The following NPB variants were observed in gnomAD, a reference collection of about 807,000 sequenced individuals.
NPB encodes the protein neuropeptide B, also known as prepro-NPB.
A neutral mutation model predicts 6.7 loss-of-function variants in NPB; 8 were observed. That is an observed-to-expected ratio of 1.20 (90% confidence interval 0.71 to 2.17). The LOEUF is 2.17. NPB is among the 30% of genes most tolerant of loss of function. The probability of loss-of-function intolerance (pLI) is 0.00; values close to 1 mark genes in which losing one functional copy is unlikely to be tolerated. For missense variants in NPB, 199 were observed against 190.2 expected, an observed-to-expected ratio of 1.05 and a Z score of -0.27; for synonymous variants, 118 against 103.4, an observed-to-expected ratio of 1.14 and a Z score of -0.86.
At position 81,902,282 on chromosome 17, in the gene NPB, C is replaced by T. The variant is rs966014494; in HGVS notation, c.5C>T (p.Ala2Val). 2 of 1,308,140 alleles carry T rather than the reference C, an allele frequency of 1.5e-6. No individual in the cohort carries two copies. Among genetic ancestry groups the T allele is most frequent in the Admixed American group, 4.1e-5 (1 of 24,400 alleles). The allele number at this position is 1,308,140 out of a possible 1,614,324, so 81.0% of individuals were successfully genotyped here. A position where few individuals can be genotyped will look rare whatever the true frequency, so the allele number is the denominator to read the frequency against. ...CACCAGTCAGCCGGCGTCCCCATGG[C>T]CCGGTCCGCGACACTGGCGGCCGCC... M[A>V]RSATLAAAAL... The change falls in exon 1 of 2, where the codon GCC (alanine) becomes GTC (valine). Residue 2 changes from alanine (A) to valine (V), a missense_variant. Ala to Val is a moderately conservative substitution (Grantham distance 64). Transcript: ENST00000333383.
At position 81,902,852 on chromosome 17, in the gene NPB, TC is replaced by T; in HGVS notation, c.*106del. ...GGATGGCGCCCCAGGTCTCCCCTAC[TC>T]CGCTCACCCCGCAGTTAATGGCAAA... is the stretch of plus-strand genomic sequence containing the variant. On this transcript the variant is annotated 3_prime_UTR_variant, in exon 2 of 2. Coordinates refer to ENST00000333383, the MANE Select transcript of NPB (RefSeq NM_148896.5). 1.0e-6 allele frequency: 1 copy of T among 1,004,214 alleles called. No homozygotes were observed. The highest frequency in any genetic ancestry group is 2.9e-5 in the East Asian group (1 of 35,030). 62.2% of individuals were successfully genotyped at this position (1,004,214 alleles called of 1,614,324 possible).
In NPB at chr17:81,902,820, C is replaced by T. The variant is rs952656269; in HGVS notation, c.*72C>T. On this transcript the variant is annotated 3_prime_UTR_variant, in exon 2 of 2. Transcript: ENST00000333383. Reference sequence around the variant, plus strand: ...CCCACTCGGTGACCCCAGGCCCCTCCGGCGCGGGATGGCGCCCCAGGTCTC... The same window carrying T: ...CCCACTCGGTGACCCCAGGCCCCTCTGGCGCGGGATGGCGCCCCAGGTCTC... The T allele has an allele frequency of 3.7e-5, 53 of 1,421,740 alleles. No individual in the cohort carries two copies. The African/African-American group carries it at 4.1e-4, about 11-fold the overall frequency. 88.1% of individuals were successfully genotyped at this position (1,421,740 alleles called of 1,614,324 possible). A position where few individuals can be genotyped will look rare whatever the true frequency, so the allele number is the denominator to read the frequency against.
At position 81,902,530 on chromosome 17, in the gene NPB, A is replaced by G. The variant is rs889903945; in HGVS notation, c.249+4A>G. 2.3e-5 allele frequency: 33 copies of G among 1,459,650 alleles called. No homozygotes were observed. The highest frequency in any genetic ancestry group is 2.9e-5 in the Non-Finnish European group (32 of 1,113,028). The allele number at this position is 1,459,650 out of a possible 1,614,324, so 90.4% of individuals were successfully genotyped here. A position where few individuals can be genotyped will look rare whatever the true frequency, so the allele number is the denominator to read the frequency against. On this transcript the variant is annotated splice_donor_region_variant and intron_variant, in intron 1 of 1. Transcript: ENST00000333383. ...GCACCCCAGGCTGCGGAGCCTCGTG[A>G]GTCCGGCGTGCCGGGGACTGATGGG...
Position 81,902,777 on chromosome 17 carries a change from G to GC in NPB, c.*35dup, listed in dbSNP as rs773463550. The GC allele has an allele frequency of 7.0e-6, 11 of 1,575,308 alleles. No homozygotes were observed. The highest frequency in any genetic ancestry group is 6.8e-5 in the African/African-American group (5 of 73,042). Reference sequence around the variant, plus strand: ...CGGACCTCTCCTGGCACCGCTGGGGGCCCCCCGCCCCCACCGTCCCACTCG... The same window carrying GC: ...CGGACCTCTCCTGGCACCGCTGGGGGCCCCCCCGCCCCCACCGTCCCACTCG... On this transcript the variant is annotated 3_prime_UTR_variant, in exon 2 of 2. Transcript: ENST00000333383.
In NPB at chr17:81,902,616, C is replaced by T. The variant is rs776128847; in HGVS notation, c.250-4C>T. On this transcript the variant is annotated splice_polypyrimidine_tract_variant and splice_region_variant and intron_variant, in intron 1 of 1. Transcript: ENST00000333383. ...CCCTCAGCCTTTGCTTGCCTGCCCC[C>T]CAGGCTGTGTGCGTCCAGGACGTCG... is the stretch of plus-strand genomic sequence containing the variant. 5 of 1,581,368 alleles carry T rather than the reference C, an allele frequency of 3.2e-6. No individual in the cohort carries two copies. The highest frequency in any genetic ancestry group is 1.8e-5 in the Admixed American group (1 of 56,376).
Position 81,902,693 on chromosome 17 carries a change from A to G in NPB, c.323A>G (p.Gln108Arg). 1 of 1,608,842 alleles carries G rather than the reference A, an allele frequency of 6.2e-7. No homozygotes were observed. The highest frequency in any genetic ancestry group is 1.3e-5 in the African/African-American group (1 of 74,644). ...ERLPDGRGTYQCKANVFLSLR... is the reference protein window; with the variant it reads ...ERLPDGRGTYRCKANVFLSLR... ...CTCCCCGACGGCCGCGGGACCTACC[A>G]GTGCAAGGCGAACGTCTTCCTGTCC... The change falls in exon 2 of 2, where the codon CAG becomes CGG. Residue 108 changes from glutamine to arginine, a missense_variant. Gln to Arg is a conservative substitution (Grantham distance 43). Transcript: ENST00000333383.
At chr17:81,902,596 A>C (rs1189782361) in intron 1 of NPB, 24 bp from the exon 2 acceptor site, 1 of 1,544,520 alleles carries the variant, frequency 6.5e-7, no homozygotes, top group African/African-American at 1.4e-5. Context: ...GCGGCCCCTC[A>C]GCCTTTGCTT....
rs922678010 is a variant in NPB at position 81,902,723 on chromosome 17, G to C, written c.353G>C (p.Arg118Pro). ...QCKANVFLSL[R>P]AADCLAA is the part of the protein sequence containing the mutation. ...AAGGCGAACGTCTTCCTGTCCCTGC[G>C]CGCAGCCGACTGCCTCGCCGCCTGA... The change falls in exon 2 of 2, where the codon CGC becomes CCC. Residue 118 changes from arginine (R) to proline (P), a missense_variant. By Grantham distance (103) the Arg-to-Pro change is moderately radical. Coordinates refer to ENST00000333383, the MANE Select transcript of NPB (RefSeq NM_148896.5). The C allele has an allele frequency of 8.1e-6, 13 of 1,608,040 alleles. No homozygotes were observed. The highest frequency in any genetic ancestry group is 1.0e-5 in the Non-Finnish European group (12 of 1,178,400).
Position 81,902,308 on chromosome 17 carries a change from G to A in NPB, c.31G>A (p.Ala11Thr), listed in dbSNP as rs756603923. The A allele has an allele frequency of 2.7e-3, 3,562 of 1,326,850 alleles. 18 individuals are homozygous for A. The highest frequency in any genetic ancestry group is 2.5e-3 in the Non-Finnish European group (2,625 of 1,045,264). 82.2% of individuals were successfully genotyped at this position (1,326,850 alleles called of 1,614,324 possible). A position where few individuals can be genotyped will look rare whatever the true frequency, so the allele number is the denominator to read the frequency against. MARSATLAAA[A>T]LALCLLLAPP... ...CCGGTCCGCGACACTGGCGGCCGCC[G>A]CCCTGGCGCTGTGCCTGCTGCTGGC... The change falls in exon 1 of 2, where the codon GCC (alanine) becomes ACC (threonine). Residue 11 changes from alanine to threonine, a missense_variant. Transcript: ENST00000333383.
rs2040017121 is a variant in NPB, at chr17:81,902,855, G to A, written c.*107G>A. 5.2e-6 allele frequency: 5 copies of A among 967,096 alleles called. No homozygotes were observed. In the South Asian group the frequency reaches 7.2e-5, roughly 14 times the overall value. The allele number at this position is 967,096 out of a possible 1,614,324, so 59.9% of individuals were successfully genotyped here. A position where few individuals can be genotyped will look rare whatever the true frequency, so the allele number is the denominator to read the frequency against. ...TGGCGCCCCAGGTCTCCCCTACTCC[G>A]CTCACCCCGCAGTTAATGGCAAACG... On this transcript the variant is annotated 3_prime_UTR_variant, in exon 2 of 2. Coordinates refer to ENST00000333383, the MANE Select transcript of NPB (RefSeq NM_148896.5).
Position 81,902,474 on chromosome 17 carries a change from G to C in NPB, c.197G>C (p.Gly66Ala), listed in dbSNP as rs1032096921. 2.9e-6 allele frequency: 4 copies of C among 1,391,942 alleles called. No individual in the cohort carries two copies. The highest frequency in any genetic ancestry group is 1.5e-5 in the African/African-American group (1 of 65,456). 86.2% of individuals were successfully genotyped at this position (1,391,942 alleles called of 1,614,324 possible). Residue 66 changes from glycine to alanine, a missense_variant, in exon 1 of 2, where the codon GGC (glycine) becomes GCC (alanine). Gly to Ala is a moderately conservative substitution (Grantham distance 60). Coordinates refer to ENST00000333383, the MANE Select transcript of NPB (RefSeq NM_148896.5). ...CCCTACAGAGGGGCGGAACCCCCGG[G>C]CGGGGCCGGCGCCTCCCCGGAGCTG... ...SQPYRGAEPP[G>A]GAGASPELQL... is the part of the protein sequence containing the mutation.
Position 81,902,281 on chromosome 17 carries a change from G to T in NPB, c.4G>T (p.Ala2Ser). 1.5e-6 allele frequency: 2 copies of T among 1,307,408 alleles called. No individual in the cohort carries two copies. Among genetic ancestry groups the T allele is most frequent in the South Asian group, 2.3e-5 (1 of 43,102 alleles). 81.0% of individuals were successfully genotyped at this position (1,307,408 alleles called of 1,614,324 possible). A position where few individuals can be genotyped will look rare whatever the true frequency, so the allele number is the denominator to read the frequency against. The change falls in exon 1 of 2, where the codon GCC becomes TCC. Residue 2 changes from alanine (A) to serine (S), a missense_variant. Coordinates refer to ENST00000333383, the MANE Select transcript of NPB (RefSeq NM_148896.5). M[A>S]RSATLAAAAL... is the part of the protein sequence containing the mutation. ...CCACCAGTCAGCCGGCGTCCCCATGGCCCGGTCCGCGACACTGGCGGCCGC... is the reference window on the plus strand; with the variant it reads ...CCACCAGTCAGCCGGCGTCCCCATGTCCCGGTCCGCGACACTGGCGGCCGC...
chr17:81,902,339 CT>C lies in NPB; in HGVS notation c.63del (p.Gly22AlafsTer124). On this transcript the variant is annotated frameshift_variant, in exon 1 of 2. Transcript: ENST00000333383. LOFTEE classifies it high-confidence loss of function. Reference protein sequence around the residue: ...ALALCLLLAPPGLAWYKPAAG... With the variant: ...ALALCLLLAPXGLAWYKPAAG... Reference sequence around the variant, plus strand: ...GCGCTGTGCCTGCTGCTGGCGCCGCCTGGCCTCGCGTGGTACAAGCCAGCGG... The same window carrying C: ...GCGCTGTGCCTGCTGCTGGCGCCGCCGGCCTCGCGTGGTACAAGCCAGCGG... The C allele has an allele frequency of 7.5e-7, 1 of 1,341,750 alleles. No homozygotes were observed. Among genetic ancestry groups the C allele is most frequent in the African/African-American group, 1.5e-5 (1 of 65,290 alleles). 83.1% of individuals were successfully genotyped at this position (1,341,750 alleles called of 1,614,324 possible). A position where few individuals can be genotyped will look rare whatever the true frequency, so the allele number is the denominator to read the frequency against.
In NPB at chr17:81,902,435, C is replaced by G. The variant is rs1010888812; in HGVS notation, c.158C>G (p.Ala53Gly). The G allele has an allele frequency of 4.4e-6, 6 of 1,353,218 alleles. No homozygotes were observed. Among genetic ancestry groups the G allele is most frequent in the African/African-American group, 3.1e-5 (2 of 64,932 alleles). The allele number at this position is 1,353,218 out of a possible 1,614,324, so 83.8% of individuals were successfully genotyped here. Reference sequence around the variant, plus strand: ...TCCGGCCTCCGCAGGTCCCCGTACGCGCGGCGCTCCCAGCCCTACAGAGGG... The same window carrying G: ...TCCGGCCTCCGCAGGTCCCCGTACGGGCGGCGCTCCCAGCCCTACAGAGGG... ...LLSGLRRSPY[A>G]RRSQPYRGAE... is the part of the protein sequence containing the mutation. Residue 53 changes from alanine (A) to glycine (G), a missense_variant, in exon 1 of 2, where the codon GCG becomes GGG. Physicochemically the swap from Ala to Gly is moderately conservative, Grantham distance 60. Coordinates refer to ENST00000333383, the MANE Select transcript of NPB (RefSeq NM_148896.5).
In NPB at chr17:81,902,839, A is replaced by G; in HGVS notation, c.*91A>G. ...CCCCTCCGGCGCGGGATGGCGCCCCAGGTCTCCCCTACTCCGCTCACCCCG... is the reference window on the plus strand; with the variant it reads ...CCCCTCCGGCGCGGGATGGCGCCCCGGGTCTCCCCTACTCCGCTCACCCCG... On this transcript the variant is annotated 3_prime_UTR_variant, in exon 2 of 2. Transcript: ENST00000333383. The G allele has an allele frequency of 8.3e-7, 1 of 1,197,920 alleles. No homozygotes were observed. The highest frequency in any genetic ancestry group is 1.1e-6 in the Non-Finnish European group (1 of 870,328). 74.2% of individuals were successfully genotyped at this position (1,197,920 alleles called of 1,614,324 possible). A position where few individuals can be genotyped will look rare whatever the true frequency, so the allele number is the denominator to read the frequency against.
At chr17:81,902,580 G>A (rs1236301464) in intron 1 of NPB, 40 bp from the exon 2 acceptor site, 32 of 1,518,610 alleles carry the variant, frequency 2.1e-5, no homozygotes, top group Non-Finnish European at 2.5e-5. Flanking sequence ...CGTGGGTGGG[G>A]GTGCGGCGGC....
Position 81,902,359 on chromosome 17 carries a change from C to T in NPB, c.82C>T (p.Pro28Ser). 1.5e-6 allele frequency: 2 copies of T among 1,347,978 alleles called. No individual in the cohort carries two copies. Among genetic ancestry groups the T allele is most frequent in the Non-Finnish European group, 1.9e-6 (2 of 1,060,010 alleles). The allele number at this position is 1,347,978 out of a possible 1,614,324, so 83.5% of individuals were successfully genotyped here. A position where few individuals can be genotyped will look rare whatever the true frequency, so the allele number is the denominator to read the frequency against. Residue 28 changes from proline (P) to serine (S), a missense_variant, in exon 1 of 2, where the codon CCA becomes TCA. By Grantham distance (74) the Pro-to-Ser change is moderately conservative. Transcript: ENST00000333383. ...GCCGCCTGGCCTCGCGTGGTACAAG[C>T]CAGCGGCGGGGCACAGCTCCTACTC... Reference protein sequence around the residue: ...LAPPGLAWYKPAAGHSSYSVG... With the variant: ...LAPPGLAWYKSAAGHSSYSVG...
Position 81,902,253 on chromosome 17 carries a change from C to G in NPB, c.-25C>G. On this transcript the variant is annotated 5_prime_UTR_variant, in exon 1 of 2. Transcript: ENST00000333383. ...TGGCTGCTCCGAGCCCGGACGCCGC[C>G]GCCCACCAGTCAGCCGGCGTCCCCA... 8.1e-7 allele frequency: 1 copy of G among 1,233,816 alleles called. No homozygotes were observed. Among genetic ancestry groups the G allele is most frequent in the South Asian group, 3.5e-5 (1 of 28,194 alleles). 76.4% of individuals were successfully genotyped at this position (1,233,816 alleles called of 1,614,324 possible).
At position 81,902,687 on chromosome 17, in the gene NPB, C is replaced by G. The variant is rs768544542; in HGVS notation, c.317C>G (p.Thr106Ser). ...GAGCGGCTCCCCGACGGCCGCGGGA[C>G]CTACCAGTGCAAGGCGAACGTCTTC... ...RCERLPDGRG[T>S]YQCKANVFLS... Residue 106 changes from threonine (T) to serine (S), a missense_variant, in exon 2 of 2, where the codon ACC becomes AGC. Transcript: ENST00000333383. 6.2e-7 allele frequency: 1 copy of G among 1,608,892 alleles called. No individual in the cohort carries two copies. The highest frequency in any genetic ancestry group is 8.5e-7 in the Non-Finnish European group (1 of 1,178,798).
Sources: gnomAD v4.1 joint callset for allele counts on GRCh38, gnomAD v4.1.1 for gene constraint, MANE v1.5 for transcripts, NCBI Gene and HGNC (gene_info 2026-07-23, HGNC 2026-07-21) for gene names.